Variants in SPATA9 observed in about 807,000 individuals in gnomAD.
SPATA9 encodes spermatogenesis associated 9, also known as spermatogenesis-associated protein 9.
Under a neutral mutation model 25.5 loss-of-function variants are expected in SPATA9, and 27 were observed. That is an observed-to-expected ratio of 1.06 (90% CI 0.78 to 1.46). The LOEUF (loss-of-function observed/expected upper bound fraction) is 1.46, where lower values mean the gene tolerates loss of function less well. SPATA9 is among the 40% of genes most tolerant of loss of function. SPATA9 has a pLI of 0.00. For synonymous variants in SPATA9, 102 were observed against 105.7 expected (o/e 0.97, Z 0.21); for missense variants, 282 against 297.5 (o/e 0.95, Z 0.38).
the SPATA9 span, chr5:95,731,319 G>A: frequency 2.8e-6 from 3 of 1,075,828 alleles, no homozygotes; most frequent in Non-Finnish European, 3.4e-6. Context: ...TAGAGGAGGA[G>A]GAGCAGCGGC....
chr5:95,681,623 C>T (rs763329547), intron 2 of SPATA9, among the ~76,000 whole-genome samples: 31 of 152,152 alleles, frequency 2.0e-4, no homozygotes, highest in Non-Finnish European at 4.0e-4. Context: ...CTCTGTATTT[C>T]CTCTCTCCAG....
the SPATA9 span, chr5:95,708,565 C>T: frequency 0.24 from 165,199 of 693,768 alleles, 21,768 homozygotes; most frequent in East Asian, 0.5. Flanking sequence ...ATAAGTATCT[C>T]GACAGCTAGC....
chr5:95,725,456 T>G, the SPATA9 span, among the ~76,000 whole-genome samples: 2 of 152,242 alleles, frequency 1.3e-5, no homozygotes, highest in African/African-American at 2.4e-5. Context: ...GGAAGAGGGC[T>G]GTAGCTGAAG....
At chr5:95,700,806 C>A (rs763293236), upstream of SPATA9, among the ~76,000 whole-genome samples, 16 of 152,106 alleles carry the variant, frequency 1.1e-4, no homozygotes, top group Non-Finnish European at 1.9e-4. Flanking sequence ...TGACTTGATT[C>A]GGATTTCACC....
upstream of SPATA9, among the ~76,000 whole-genome samples, chr5:95,700,434 G>A (rs1754150898): frequency 6.6e-6 from 1 of 152,090 alleles, no homozygotes; most frequent in African/African-American, 2.4e-5. Flanking sequence ...AGAGTAGCTG[G>A]GATTACAGGC....
the SPATA9 span, among the ~76,000 whole-genome samples, chr5:95,706,741 TC>T: frequency 1.3e-5 from 2 of 152,148 alleles, no homozygotes; most frequent in East Asian, 1.9e-4. Flanking sequence ...GGACAATTTC[TC>T]CCCTTCTCAG....
chr5:95,710,500 A>G, the SPATA9 span, among the ~76,000 whole-genome samples: 19 of 152,320 alleles, frequency 1.2e-4, 1 homozygote, highest in African/African-American at 4.6e-4. Flanking sequence ...TACTGCTCGC[A>G]GGCAACTTGG....
intron 1 of SPATA9, among the ~76,000 whole-genome samples, chr5:95,691,519 G>T (rs2521994): frequency 0.57 from 86,475 of 151,912 alleles, 24,778 homozygotes; most frequent in East Asian, 0.8. Flanking sequence ...TATGTTTTAC[G>T]TTCTGTTAAG....
At chr5:95,693,645 G>A (rs1043065555) in intron 1 of SPATA9, among the ~76,000 whole-genome samples, 1 of 152,122 alleles carries the variant, frequency 6.6e-6, no homozygotes, top group African/African-American at 2.4e-5. Context: ...CCTGCATTCT[G>A]CAACACTTGA....
downstream of SPATA9, chr5:95,652,424 A>G (rs2112504916): frequency 7.5e-6 from 11 of 1,473,972 alleles, 1 homozygote; most frequent in South Asian, 4.0e-5. Flanking sequence ...TGTTGACTTG[A>G]CATCTCTACT....
At chr5:95,731,909 A>C in the SPATA9 span, 1 of 1,614,072 alleles carries the variant, frequency 6.2e-7, no homozygotes, top group African/African-American at 1.3e-5. Flanking sequence ...TTCCACCAGG[A>C]CAACCGGCCG....
upstream of SPATA9, among the ~76,000 whole-genome samples, chr5:95,684,300 G>A (rs547994018): frequency 3.3e-5 from 5 of 152,102 alleles, no homozygotes; most frequent in Admixed American, 6.5e-5. Flanking sequence ...GGTCATCAGC[G>A]TCCACTGCAG....
intron 3 of SPATA9, 53 bp downstream of exon 3, chr5:95,675,359 A>G: frequency 6.8e-7 from 1 of 1,478,820 alleles, no homozygotes; most frequent in Non-Finnish European, 9.2e-7. Flanking sequence ...AAGTTTTGCA[A>G]ATTTAAAAGT....
the SPATA9 span, among the ~76,000 whole-genome samples, chr5:95,715,111 G>T: frequency 1.3e-5 from 2 of 152,086 alleles, no homozygotes; most frequent in East Asian, 3.9e-4. Flanking sequence ...AGTTCACGAG[G>T]TCAGGAGATC....
chr5:95,700,268 C>T (rs1194153878), upstream of SPATA9, among the ~76,000 whole-genome samples: 1 of 152,076 alleles, frequency 6.6e-6, no homozygotes, highest in East Asian at 1.9e-4. Flanking sequence ...ATTTGCCCTT[C>T]ATGCAGTTTC....
Position 95,675,651 on chromosome 5 carries a change from G to T in SPATA9, c.151-12C>A, listed in dbSNP as rs1247043876. 1 of 1,611,848 alleles carries T rather than the reference G, an allele frequency of 6.2e-7. No homozygotes were observed. Among genetic ancestry groups the T allele is most frequent in the Non-Finnish European group, 8.5e-7 (1 of 1,178,430 alleles). ...GCAGGTTCTCTTTTCTGAAAAATAGGCCTTTGAAAAGTAACTGATGTGTAA... is the reference window on the plus strand; with the variant it reads ...GCAGGTTCTCTTTTCTGAAAAATAGTCCTTTGAAAAGTAACTGATGTGTAA... On this transcript the variant is annotated splice_polypyrimidine_tract_variant and intron_variant, in intron 2 of 4. Coordinates refer to ENST00000274432, the MANE Select transcript of SPATA9 (RefSeq NM_031952.4).
intron 1 of SPATA9, among the ~76,000 whole-genome samples, chr5:95,688,417 A>G (rs1279376731): frequency 1.3e-5 from 2 of 151,978 alleles, no homozygotes; most frequent in South Asian, 4.2e-4. Context: ...TGCCTGGCTA[A>G]TTTTCTAAAA....
chr5:95,654,115 G>A (rs566414064), downstream of SPATA9: 168 of 1,612,072 alleles, frequency 1.0e-4, 4 homozygotes, highest in South Asian at 1.8e-3. Context: ...ATTCTTCTGT[G>A]TGTGTGGGCA....
chr5:95,685,215 G>C (rs372904242), upstream of SPATA9, among the ~76,000 whole-genome samples: 6 of 152,182 alleles, frequency 3.9e-5, no homozygotes, highest in Non-Finnish European at 8.8e-5. Context: ...CTGACCTTTT[G>C]GTTTTGGAAA....
Sources: allele counts gnomAD v4.1 joint callset (sites outside exome capture counted in the v4.1 genomes callset), GRCh38; gene constraint gnomAD v4.1.1; transcripts MANE v1.5; gene names NCBI Gene and HGNC (gene_info 2026-07-23, HGNC 2026-07-21).